Variants in MKLN1 observed in about 807,000 individuals in gnomAD.
MKLN1 encodes muskelin 1.
In MKLN1, 18 loss-of-function variants were observed where a neutral mutation model predicts 99.0. That is an observed-to-expected ratio of 0.18 (90% CI 0.13 to 0.27). The LOEUF is 0.27. MKLN1 is among the 10% of genes least tolerant of loss of function. The probability of loss-of-function intolerance (pLI) is 1.00; values close to 1 mark genes in which losing one functional copy is unlikely to be tolerated. For synonymous variants in MKLN1, 288 were observed against 293.2 expected (o/e 0.98, Z 0.18); for missense variants, 621 against 875.9 (o/e 0.71, Z 3.67).
In MKLN1 at chr7:131,327,915, G is replaced by A; in HGVS notation, c.16G>A (p.Ala6Thr). The change falls in exon 1 of 18, where the codon GCT becomes ACT. Residue 6 changes from alanine to threonine, a missense_variant. By Grantham distance (58) the Ala-to-Thr change is moderately conservative. Transcript: ENST00000352689. MAAGG[A>T]VAAAPECRLL... Reference sequence around the variant, plus strand: ...TGCTGACAAGATGGCGGCTGGCGGAGCTGTCGCTGCGGCGCCCGAGTGCCG... The same window carrying A: ...TGCTGACAAGATGGCGGCTGGCGGAACTGTCGCTGCGGCGCCCGAGTGCCG... The A allele has an allele frequency of 6.2e-7, 1 of 1,612,624 alleles. No individual in the cohort carries two copies.
At chr7:131,361,444 T>G (rs1159571842) in intron 1 of MKLN1, among the ~76,000 whole-genome samples, 1 of 151,972 alleles carries the variant, frequency 6.6e-6, no homozygotes, top group Non-Finnish European at 1.5e-5. Flanking sequence ...TTAGTGGCCT[T>G]AAAATGTTAA....
At chr7:131,311,541 T>C (rs895519550) in intron 3 of MKLN1, among the ~76,000 whole-genome samples, 5 of 152,230 alleles carry the variant, frequency 3.3e-5, no homozygotes, top group African/African-American at 4.8e-5. Context: ...ATGCTAAATA[T>C]GCCTAATATT....
chr7:131,247,843 A>G lies in MKLN1; in HGVS notation c.-179+44869A>G, dbSNP rs893245213. On this transcript the variant is annotated intron_variant, in intron 3 of 7. Transcript: ENST00000416992. ...ACATTTCCCCCATTTATGATGTTTA[A>G]TGCCTTTAACTTCTCTCTGCTACTG... 2.6e-5 allele frequency among the ~76,000 whole-genome samples: 4 copies of G among 151,686 alleles called. No individual in the cohort carries two copies. In the East Asian group the frequency reaches 7.8e-4, roughly 29 times the overall value.
chr7:131,288,617 A>G (rs1460908407), intron 3 of MKLN1, among the ~76,000 whole-genome samples: 1 of 152,222 alleles, frequency 6.6e-6, no homozygotes, highest in African/African-American at 2.4e-5. Context: ...ACACTCTGGC[A>G]ACGAGGAGTG....
rs557008659 is a variant in MKLN1 at position 131,420,340 on chromosome 7, G to A, written c.847+5630G>A. Among the ~76,000 whole-genome samples, 8 of 152,106 alleles carry A rather than the reference G, an allele frequency of 5.3e-5. No individual in the cohort carries two copies. In the South Asian group the frequency reaches 1.5e-3, roughly 28 times the overall value. On this transcript the variant is annotated intron_variant, in intron 8 of 17. Coordinates refer to ENST00000352689, the MANE Select transcript of MKLN1 (RefSeq NM_013255.5). ...AGAGAGAGAAACTAGAAAAAAAAAGGTATCATATAGAGCTGACAGGATTTT... is the reference window on the plus strand; with the variant it reads ...AGAGAGAGAAACTAGAAAAAAAAAGATATCATATAGAGCTGACAGGATTTT...
intron 11 of MKLN1, 24 bp from the exon 12 acceptor site, chr7:131,445,748 TTC>T: frequency 6.3e-7 from 1 of 1,577,392 alleles, no homozygotes; most frequent in Non-Finnish European, 8.6e-7. Context: ...AGTTACTCCT[TTC>T]TTTTTTTTTT....
At chr7:131,357,665 T>C (rs1270477601) in intron 1 of MKLN1, among the ~76,000 whole-genome samples, 1 of 152,230 alleles carries the variant, frequency 6.6e-6, no homozygotes, top group Non-Finnish European at 1.5e-5. Context: ...CTTTGGCTGT[T>C]GGAAGCTCTT....
At chr7:131,184,845 T>G in intron 2 of MKLN1, among the ~76,000 whole-genome samples, 1 of 152,200 alleles carries the variant, frequency 6.6e-6, no homozygotes, top group East Asian at 1.9e-4. Context: ...TTTTTAAAGA[T>G]GCACACACCC....
chr7:131,151,082 C>G (rs1239258850), intron 2 of MKLN1, among the ~76,000 whole-genome samples: 1 of 152,144 alleles, frequency 6.6e-6, no homozygotes, highest in Non-Finnish European at 1.5e-5. Flanking sequence ...TATCCGTTAA[C>G]TATATTTTTC....
intron 12 of MKLN1, among the ~76,000 whole-genome samples, chr7:131,451,798 A>C (rs546714807): frequency 2.6e-5 from 4 of 152,332 alleles, no homozygotes; most frequent in African/African-American, 9.6e-5. Context: ...CAGATTCCCC[A>C]TATGTAAGCT....
intron 3 of MKLN1, among the ~76,000 whole-genome samples, chr7:131,308,597 T>C (rs1798506046): frequency 6.6e-6 from 1 of 151,184 alleles, no homozygotes; most frequent in South Asian, 2.1e-4. Flanking sequence ...TTTCTTTTTT[T>C]TTTTTGAGAC....
Position 131,489,390 on chromosome 7 carries a change from C to T in MKLN1, c.*1662C>T, listed in dbSNP as rs1226301848. ...GGTATGCTATATAATTCAGCAAGTA[C>T]CAACTTGTGTAGCTGCAGAATAACC... On this transcript the variant is annotated 3_prime_UTR_variant, in exon 18 of 18. Transcript: ENST00000352689. 2.0e-5 allele frequency: 3 copies of T among 152,076 alleles called. No individual in the cohort carries two copies. Among genetic ancestry groups the T allele is most frequent in the Non-Finnish European group, 2.9e-5 (2 of 68,010 alleles). The allele number at this position is 152,076 out of a possible 1,614,324, so 9.4% of individuals were successfully genotyped here.
chr7:131,283,169 G>A (rs1016711410), intron 3 of MKLN1, among the ~76,000 whole-genome samples: 2 of 152,160 alleles, frequency 1.3e-5, no homozygotes, highest in African/African-American at 4.8e-5. Context: ...GAGAATCTAA[G>A]AATCTCAAAA....
intron 3 of MKLN1, among the ~76,000 whole-genome samples, chr7:131,234,344 T>C (rs947860253): frequency 6.6e-6 from 1 of 152,174 alleles, no homozygotes; most frequent in African/African-American, 2.4e-5. Context: ...ACTAAATTCA[T>C]TAGTTGTAAC....
intron 2 of MKLN1, among the ~76,000 whole-genome samples, chr7:131,375,850 C>G (rs1195323912): frequency 1.3e-5 from 2 of 149,630 alleles, no homozygotes; most frequent in Non-Finnish European, 3.0e-5. Flanking sequence ...TATTATTATA[C>G]TTAATATTAA....
intron 1 of MKLN1, among the ~76,000 whole-genome samples, chr7:131,344,736 C>G (rs138659217): frequency 6.6e-6 from 1 of 152,134 alleles, no homozygotes; most frequent in East Asian, 1.9e-4. Flanking sequence ...ATGCAAAAAA[C>G]GTGGTTCTCA....
intron 2 of MKLN1, among the ~76,000 whole-genome samples, chr7:131,189,510 G>T (rs73149847): frequency 0.11 from 15,221 of 143,258 alleles, 968 homozygotes; most frequent in South Asian, 0.25. Flanking sequence ...AATCCCCCTA[G>T]AAGTTTTTTA....
intron 1 of MKLN1, among the ~76,000 whole-genome samples, chr7:131,367,065 T>A (rs1227386568): frequency 6.6e-6 from 1 of 152,302 alleles, no homozygotes. Flanking sequence ...TGTATCCCAT[T>A]TTTCAGTTAC....
At chr7:131,423,754 G>A (rs770641383) in intron 8 of MKLN1, among the ~76,000 whole-genome samples, 1 of 152,164 alleles carries the variant, frequency 6.6e-6, no homozygotes, top group Non-Finnish European at 1.5e-5. Context: ...TATTCATATG[G>A]CTGTACTTCT....
Sources: allele counts gnomAD v4.1 joint callset (sites outside exome capture counted in the v4.1 genomes callset), GRCh38; gene constraint gnomAD v4.1.1; transcripts MANE v1.5; gene names NCBI Gene and HGNC (gene_info 2026-07-23, HGNC 2026-07-21).